Variants in ZBBX observed in about 807,000 individuals in gnomAD.
ZBBX encodes zinc finger B-box domain containing, also known as zinc finger B-box domain-containing protein 1.
ZBBX carries 101 observed loss-of-function variants against 108.5 expected under a neutral mutation model. The observed-to-expected ratio is 0.93, with a 90% CI of 0.79 to 1.10. The LOEUF is 1.10. ZBBX is among the 50% of genes least tolerant of loss of function. The probability of loss-of-function intolerance (pLI) is 0.00; values close to 1 mark genes in which losing one functional copy is unlikely to be tolerated. For missense variants in ZBBX, 1,009 were observed against 941.4 expected (o/e 1.07, Z -0.94); for synonymous variants, 356 against 323.4 (o/e 1.10, Z -1.08).
At chr3:167,238,784 C>A (rs1720335260), downstream of ZBBX, among the ~76,000 whole-genome samples, 2 of 152,034 alleles carry the variant, frequency 1.3e-5, no homozygotes, top group South Asian at 4.1e-4. Flanking sequence ...CTTTCTTAAG[C>A]CTCGACTTAT....
chr3:167,270,363 A>T (rs766079865), intron 20 of ZBBX, among the ~76,000 whole-genome samples: 18 of 152,222 alleles, frequency 1.2e-4, no homozygotes, highest in African/African-American at 4.8e-5. Context: ...TGCCTTACAC[A>T]GTAAGCTGCT....
chr3:167,282,384 T>TG lies in ZBBX; in HGVS notation c.2107dup (p.Gln703ProfsTer5), dbSNP rs1194327493. On this transcript the variant is annotated frameshift_variant, in exon 20 of 22. Transcript: ENST00000675490. LOFTEE classifies it high-confidence loss of function. Reference sequence around the variant, plus strand: ...TTCAGAAGCAGCTCTAGATGATGATTGAGCAGCTGCACTTCTTGATCGAGG... The same window carrying TG: ...TTCAGAAGCAGCTCTAGATGATGATTGGAGCAGCTGCACTTCTTGATCGAGG... 1 of 1,614,148 alleles carries TG rather than the reference T, an allele frequency of 6.2e-7. No homozygotes were observed. Among genetic ancestry groups the TG allele is most frequent in the Non-Finnish European group, 8.5e-7 (1 of 1,179,992 alleles).
At chr3:167,209,073 C>T in the ZBBX span, among the ~76,000 whole-genome samples, 14 of 152,182 alleles carry the variant, frequency 9.2e-5, no homozygotes, top group Middle Eastern at 0.014. Flanking sequence ...GGGACAGAAT[C>T]CTCTGCTTGT....
chr3:167,355,345 A>G (rs2108516176), intron 8 of ZBBX, among the ~76,000 whole-genome samples: 1 of 152,072 alleles, frequency 6.6e-6, no homozygotes, highest in South Asian at 2.1e-4. Flanking sequence ...GATAACTTTG[A>G]GGTACAGATT....
intron 20 of ZBBX, among the ~76,000 whole-genome samples, chr3:167,244,980 C>A (rs4276182): frequency 0.82 from 124,611 of 152,106 alleles, 51,434 homozygotes; most frequent in African/African-American, 0.93. Flanking sequence ...TAAGCACTTA[C>A]ATGAAATAAA....
At chr3:167,401,671 T>A (rs753207375) in intron 1 of ZBBX, among the ~76,000 whole-genome samples, 2 of 152,118 alleles carry the variant, frequency 1.3e-5, no homozygotes, top group Non-Finnish European at 2.9e-5. Context: ...CATCACCATC[T>A]TGGTTTTGGT....
intron 20 of ZBBX, among the ~76,000 whole-genome samples, chr3:167,261,368 G>T (rs577847545): frequency 6.6e-6 from 1 of 151,966 alleles, no homozygotes; most frequent in South Asian, 2.1e-4. Context: ...GGAGGAACTG[G>T]CGGTGGTCGG....
At chr3:167,406,354 C>G (rs551557098) in intron 1 of ZBBX, among the ~76,000 whole-genome samples, 2 of 152,232 alleles carry the variant, frequency 1.3e-5, no homozygotes, top group South Asian at 4.1e-4. Context: ...GGAGACACTC[C>G]CCAGGGAACT....
intron 1 of ZBBX, among the ~76,000 whole-genome samples, chr3:167,400,726 A>G (rs1748400070): frequency 6.6e-6 from 1 of 152,042 alleles, no homozygotes; most frequent in Non-Finnish European, 1.5e-5. Context: ...GCTTGGTTTT[A>G]TACATTTCAG....
chr3:167,213,891 GA>G, the ZBBX span, among the ~76,000 whole-genome samples: 31 of 149,446 alleles, frequency 2.1e-4, no homozygotes, highest in Admixed American at 4.0e-4. Context: ...TATTCTTAAA[GA>G]AAAAAAAAAT....
At position 167,313,955 on chromosome 3, in the gene ZBBX, G is replaced by C; in HGVS notation, c.1417+19C>G. 1 of 1,555,902 alleles carries C rather than the reference G, an allele frequency of 6.4e-7. No homozygotes were observed. The highest frequency in any genetic ancestry group is 8.7e-7 in the Non-Finnish European group (1 of 1,152,236). ...CAACATGCACTGTTAATAATATCCA[G>C]CAACAAGAAAAATGTTACCTTTTGA... On this transcript the variant is annotated intron_variant, in intron 16 of 21. Transcript: ENST00000675490.
At chr3:167,289,167 T>A (rs1315311912) in intron 18 of ZBBX, among the ~76,000 whole-genome samples, 184 bp from the exon 19 acceptor site, 1 of 152,074 alleles carries the variant, frequency 6.6e-6, no homozygotes, top group Non-Finnish European at 1.5e-5. Flanking sequence ...TATATTTTAA[T>A]TTTAAAAATT....
At chr3:167,346,523 T>C (rs1741482972) in intron 9 of ZBBX, among the ~76,000 whole-genome samples, 1 of 151,970 alleles carries the variant, frequency 6.6e-6, no homozygotes, top group Admixed American at 6.6e-5. Flanking sequence ...CTACACTTTA[T>C]ATTAACCACA....
chr3:167,373,002 G>T, intron 3 of ZBBX, 52 bp from the exon 4 acceptor site: 1 of 854,620 alleles, frequency 1.2e-6, no homozygotes, highest in South Asian at 2.3e-5. Context: ...AGCAGTATAA[G>T]TTACAAATTC....
intron 1 of ZBBX, among the ~76,000 whole-genome samples, chr3:167,385,682 A>G (rs959360818): frequency 3.0e-4 from 46 of 151,926 alleles, no homozygotes; most frequent in Non-Finnish European, 5.9e-4. Flanking sequence ...TCTAATTTTA[A>G]AACTGTTTTT....
the ZBBX span, among the ~76,000 whole-genome samples, chr3:167,218,218 TC>T: frequency 1.3e-5 from 2 of 152,126 alleles, no homozygotes; most frequent in Non-Finnish European, 2.9e-5. Context: ...CATGTGTTTA[TC>T]TATGTAACAA....
chr3:167,308,086 C>T (rs1576955265), intron 16 of ZBBX, among the ~76,000 whole-genome samples: 2 of 152,050 alleles, frequency 1.3e-5, no homozygotes, highest in East Asian at 3.9e-4. Flanking sequence ...CTAAGAACCA[C>T]CTTCTATAAG....
chr3:167,328,198 GT>G (rs1303780446), intron 10 of ZBBX, 82 bp from the exon 11 acceptor site: 1 of 1,382,834 alleles, frequency 7.2e-7, no homozygotes, highest in African/African-American at 1.5e-5. Context: ...AAAATTCTGT[GT>G]TTTAAAATAC....
intron 5 of ZBBX, chr3:167,366,755 G>T (rs969964579): frequency 2.3e-6 from 1 of 443,360 alleles, no homozygotes; most frequent in Non-Finnish European, 4.5e-6. Flanking sequence ...ATCTAGAAAA[G>T]CTTCCACAGC....
Sources: allele counts gnomAD v4.1 joint callset (sites outside exome capture counted in the v4.1 genomes callset), GRCh38; gene constraint gnomAD v4.1.1; transcripts MANE v1.5; gene names NCBI Gene and HGNC (gene_info 2026-07-23, HGNC 2026-07-21).